Variants in DPYD observed in about 807,000 individuals in gnomAD.
DPYD encodes the protein dihydropyrimidine dehydrogenase, also known as dihydropyrimidine dehydrogenase [NADP(+)].
Under a neutral mutation model 116.2 loss-of-function variants are expected in DPYD, and 109 were observed. That is an observed-to-expected ratio of 0.94 (90% CI 0.80 to 1.10). The LOEUF (loss-of-function observed/expected upper bound fraction) is 1.10. Among genes scored for constraint, DPYD ranks in the 50% least tolerant of loss-of-function variants. The pLI is 0.00. For missense variants in DPYD, 1,302 were observed against 1,254.5 expected (o/e 1.04, Z -0.57); for synonymous variants, 440 against 432.0 (o/e 1.02, Z -0.23).
intron 3 of DPYD, among the ~76,000 whole-genome samples, chr1:97,761,122 C>A (rs1318606585): frequency 6.6e-6 from 1 of 152,020 alleles, no homozygotes; most frequent in African/African-American, 2.4e-5. Flanking sequence ...CATGGTTCTA[C>A]ATCAGGTGGC....
chr1:97,823,156 T>G (rs1292370667), intron 3 of DPYD, among the ~76,000 whole-genome samples: 1 of 152,052 alleles, frequency 6.6e-6, no homozygotes, highest in African/African-American at 2.4e-5. Context: ...TTTTGTTTTT[T>G]GTTTTTTGTT....
At chr1:97,739,295 TTATTCAGTTTATACTACAA>T (rs1664135133) in intron 4 of DPYD, among the ~76,000 whole-genome samples, 2 of 152,100 alleles carry the variant, frequency 1.3e-5, no homozygotes, top group South Asian at 4.1e-4. Flanking sequence ...CATAAAAATA[TTATTCAGTTTATACTACAA>T]CTCTGTAAGA....
intron 20 of DPYD, among the ~76,000 whole-genome samples, chr1:97,154,762 G>T (rs1342618952): frequency 6.6e-6 from 1 of 151,852 alleles, no homozygotes; most frequent in Non-Finnish European, 1.5e-5. Context: ...GGTGAGAGGG[G>T]GGTGAGGGAT....
chr1:97,084,837 C>T (rs759639133), intron 21 of DPYD, among the ~76,000 whole-genome samples: 1 of 152,150 alleles, frequency 6.6e-6, no homozygotes, highest in Non-Finnish European at 1.5e-5. Context: ...TCTTAGTAAG[C>T]TTTAATTCAT....
chr1:97,647,119 C>T (rs1350664836), intron 8 of DPYD, among the ~76,000 whole-genome samples: 1 of 151,926 alleles, frequency 6.6e-6, no homozygotes, highest in Non-Finnish European at 1.5e-5. Context: ...TCAGAATATA[C>T]CACTTGTATT....
At chr1:97,879,118 A>G (rs988139482) in intron 2 of DPYD, among the ~76,000 whole-genome samples, 1 of 152,006 alleles carries the variant, frequency 6.6e-6, no homozygotes, top group Non-Finnish European at 1.5e-5. Context: ...AACTGTGAAT[A>G]GGTTTCTTAT....
chr1:97,792,864 A>G (rs1013060496), intron 3 of DPYD, among the ~76,000 whole-genome samples: 2 of 152,142 alleles, frequency 1.3e-5, no homozygotes, highest in African/African-American at 4.8e-5. Flanking sequence ...GTCATCAAAA[A>G]CAGGGTAAGT....
At chr1:97,199,912 T>C (rs542471590) in intron 19 of DPYD, among the ~76,000 whole-genome samples, 22 of 152,192 alleles carry the variant, frequency 1.4e-4, no homozygotes, top group Non-Finnish European at 2.9e-4. Flanking sequence ...TTCAAGTGCC[T>C]GGCAGAGGCC....
chr1:97,160,846 A>C (rs1255832494), intron 20 of DPYD, among the ~76,000 whole-genome samples: 1 of 152,146 alleles, frequency 6.6e-6, no homozygotes, highest in Non-Finnish European at 1.5e-5. Flanking sequence ...AGTTCTTAAC[A>C]AATTTTGAAA....
chr1:97,674,509 C>T (rs1195231010), intron 8 of DPYD, among the ~76,000 whole-genome samples: 1 of 151,960 alleles, frequency 6.6e-6, no homozygotes, highest in African/African-American at 2.4e-5. Flanking sequence ...TTTTATGAGG[C>T]TATGAGATGA....
At chr1:97,609,078 T>C (rs1242140067) in intron 8 of DPYD, among the ~76,000 whole-genome samples, 1 of 152,036 alleles carries the variant, frequency 6.6e-6, no homozygotes, top group Non-Finnish European at 1.5e-5. Context: ...CAAATGCCTT[T>C]GGTTTAATAA....
At chr1:97,502,040 G>A (rs779076383) in intron 13 of DPYD, among the ~76,000 whole-genome samples, 1 of 151,890 alleles carries the variant, frequency 6.6e-6, no homozygotes, top group Non-Finnish European at 1.5e-5. Flanking sequence ...TGTAACTAAT[G>A]AGATCCCAAC....
intron 20 of DPYD, among the ~76,000 whole-genome samples, chr1:97,107,902 T>G (rs1003574947): frequency 2.6e-5 from 4 of 152,094 alleles, no homozygotes; most frequent in African/African-American, 9.7e-5. Flanking sequence ...GTTTTACTTA[T>G]TCCACAAATT....
intron 16 of DPYD, among the ~76,000 whole-genome samples, chr1:97,330,506 G>T (rs969216150): frequency 1.3e-5 from 2 of 152,052 alleles, no homozygotes; most frequent in Admixed American, 1.3e-4. Flanking sequence ...TACTCTATCT[G>T]CCAGAGCTCG....
At chr1:97,165,775 T>G (rs1656277412) in intron 20 of DPYD, among the ~76,000 whole-genome samples, 1 of 152,048 alleles carries the variant, frequency 6.6e-6, no homozygotes, top group African/African-American at 2.4e-5. Flanking sequence ...GAACAAACAC[T>G]TCACAAAAGA....
intron 13 of DPYD, among the ~76,000 whole-genome samples, chr1:97,466,500 G>A (rs1261324632): frequency 2.0e-5 from 3 of 151,936 alleles, no homozygotes; most frequent in Admixed American, 6.5e-5. Flanking sequence ...TCACTTAGAT[G>A]CCTGTCTCGG....
intron 19 of DPYD, among the ~76,000 whole-genome samples, chr1:97,221,422 A>T (rs1039181666): frequency 6.6e-6 from 1 of 152,278 alleles, no homozygotes; most frequent in African/African-American, 2.4e-5. Context: ...AAATCTATAA[A>T]TGGGGTTAAA....
intron 2 of DPYD, among the ~76,000 whole-genome samples, chr1:97,868,864 G>A (rs1328695978): frequency 2.0e-5 from 3 of 151,640 alleles, no homozygotes; most frequent in Non-Finnish European, 4.4e-5. Flanking sequence ...TGCTCCTTAG[G>A]ATTTTTTGGT....
At chr1:97,266,963 T>G (rs1425332390) in intron 18 of DPYD, among the ~76,000 whole-genome samples, 1 of 152,202 alleles carries the variant, frequency 6.6e-6, no homozygotes, top group African/African-American at 2.4e-5. Flanking sequence ...AAGTCTTTGC[T>G]ATTGTGAACA....
Sources: gnomAD v4.1 joint callset for allele counts (sites outside exome capture counted in the v4.1 genomes callset) on GRCh38, gnomAD v4.1.1 for gene constraint, MANE v1.5 for transcripts, NCBI Gene and HGNC (gene_info 2026-07-23, HGNC 2026-07-21) for gene names.